PCDHA11: variants seen among roughly 807,000 people sequenced by gnomAD.
PCDHA11 encodes protocadherin alpha 11.
In PCDHA11, 61 loss-of-function variants were observed where a neutral mutation model predicts 70.3. The ratio of observed to expected loss-of-function variants is 0.87; its 90% CI spans 0.71 to 1.07. PCDHA11 has a LOEUF of 1.07. Among genes scored for constraint, PCDHA11 ranks in the 50% least tolerant of loss-of-function variants. PCDHA11 has a pLI of 0.00. For missense variants in PCDHA11, 1,324 were observed against 1,237.5 expected, an observed-to-expected ratio of 1.07 and a Z score of -1.05; for synonymous variants, 633 against 555.1, an observed-to-expected ratio of 1.14 and a Z score of -1.97.
intron 1 of PCDHA11, chr5:140,883,148 A>G (rs1554176918): frequency 5.0e-6 from 8 of 1,614,078 alleles, no homozygotes; most frequent in Non-Finnish European, 6.8e-6. Context: ...ATATGCATTT[A>G]CCATAAATCC....
At chr5:140,883,774 T>C (rs782252577) in intron 1 of PCDHA11, 10 of 1,612,152 alleles carry the variant, frequency 6.2e-6, no homozygotes, top group South Asian at 5.5e-5. Flanking sequence ...TGGGCGAGCG[T>C]GCGCTGTCGA....
Position 140,869,903 on chromosome 5 carries a change from C to A in PCDHA11, c.800C>A (p.Thr267Lys). Residue 267 changes from threonine to lysine, a missense_variant, in exon 1 of 4, where the codon ACA becomes AAA. Physicochemically the swap from Thr to Lys is moderately conservative, Grantham distance 78. Coordinates refer to ENST00000398640, the MANE Select transcript of PCDHA11 (RefSeq NM_018902.5). ...ACTCTTGTGCTCAAACTAAACGCCACAGACCGAGACGAAGGAGTCAATGGA... is the reference window on the plus strand; with the variant it reads ...ACTCTTGTGCTCAAACTAAACGCCAAAGACCGAGACGAAGGAGTCAATGGA... Reference protein sequence around the residue: ...KETLVLKLNATDRDEGVNGEV... With the variant: ...KETLVLKLNAKDRDEGVNGEV... 1.2e-6 allele frequency: 2 copies of A among 1,610,648 alleles called. No homozygotes were observed. The highest frequency in any genetic ancestry group is 1.7e-6 in the Non-Finnish European group (2 of 1,178,228).
chr5:140,870,581 T>C lies in PCDHA11; in HGVS notation c.1478T>C (p.Leu493Pro). Residue 493 changes from leucine (L) to proline (P), a missense_variant, in exon 1 of 4, where the codon CTG (leucine) becomes CCG (proline). Transcript: ENST00000398640. Reference protein sequence around the residue: ...AQENALVSYSLVERRLGDRAL... With the variant: ...AQENALVSYSPVERRLGDRAL... ...GAGAACGCGCTGGTGTCCTACTCGC[T>C]GGTGGAGCGGCGGTTGGGCGACCGC... The C allele has an allele frequency of 6.2e-7, 1 of 1,613,826 alleles. No individual in the cohort carries two copies. Among genetic ancestry groups the C allele is most frequent in the Non-Finnish European group, 8.5e-7 (1 of 1,179,932 alleles).
intron 1 of PCDHA11, among the ~76,000 whole-genome samples, chr5:140,879,219 A>G (rs2057906971): frequency 6.6e-6 from 1 of 152,252 alleles, no homozygotes; most frequent in South Asian, 2.1e-4. Context: ...AATGAATTGA[A>G]AAAGACATAT....
At chr5:140,972,306 GT>G (rs2096530781) in intron 1 of PCDHA11, among the ~76,000 whole-genome samples, 1 of 150,488 alleles carries the variant, frequency 6.6e-6, no homozygotes, top group South Asian at 2.1e-4. Flanking sequence ...TGTCTGACTA[GT>G]TTTTAGGTGT....
intron 1 of PCDHA11, chr5:140,967,766 T>C: frequency 6.2e-7 from 1 of 1,614,218 alleles, no homozygotes; most frequent in Non-Finnish European, 8.5e-7. Flanking sequence ...CTACCAGATC[T>C]ATGTGCAGGC....
At chr5:140,950,082 A>G (rs2094448240) in intron 1 of PCDHA11, among the ~76,000 whole-genome samples, 1 of 151,916 alleles carries the variant, frequency 6.6e-6, no homozygotes, top group South Asian at 2.1e-4. Flanking sequence ...TGCTTATGCT[A>G]TAGTTTTCAT....
intron 1 of PCDHA11, among the ~76,000 whole-genome samples, chr5:140,954,881 C>T (rs2095105725): frequency 6.6e-6 from 1 of 152,092 alleles, no homozygotes; most frequent in Non-Finnish European, 1.5e-5. Flanking sequence ...CCTAGCTTTT[C>T]TTCTAGGGTT....
At chr5:140,934,590 G>T (rs1305372783) in intron 1 of PCDHA11, among the ~76,000 whole-genome samples, 4 of 151,886 alleles carry the variant, frequency 2.6e-5, no homozygotes, top group Admixed American at 2.6e-4. Context: ...TCTGTAATGG[G>T]TCTTCAACTA....
chr5:140,879,078 A>G (rs1168166013), intron 1 of PCDHA11, among the ~76,000 whole-genome samples: 3 of 152,342 alleles, frequency 2.0e-5, no homozygotes, highest in African/African-American at 7.2e-5. Flanking sequence ...TAAGAGAGAT[A>G]AGTAGGAACA....
intron 1 of PCDHA11, among the ~76,000 whole-genome samples, chr5:140,917,501 A>G (rs557906425): frequency 6.6e-6 from 1 of 152,020 alleles, no homozygotes; most frequent in East Asian, 1.9e-4. Context: ...CCAGAATGAT[A>G]TTTTCTAGGT....
chr5:140,869,378 G>T lies in PCDHA11; in HGVS notation c.275G>T (p.Arg92Leu). The T allele has an allele frequency of 1.9e-6, 3 of 1,614,168 alleles. No homozygotes were observed. The highest frequency in any genetic ancestry group is 2.2e-5 in the East Asian group (1 of 44,878). The change falls in exon 1 of 4, where the codon CGC becomes CTC. Residue 92 changes from arginine to leucine, a missense_variant. Transcript: ENST00000398640. Reference sequence around the variant, plus strand: ...TTGTTTGTGAATTCTCGGATCGACCGCGAGGAGCTGTGCGGGCAGAGCGCG... The same window carrying T: ...TTGTTTGTGAATTCTCGGATCGACCTCGAGGAGCTGTGCGGGCAGAGCGCG... Reference protein sequence around the residue: ...GILFVNSRIDREELCGQSAEC... With the variant: ...GILFVNSRIDLEELCGQSAEC...
At position 140,882,067 on chromosome 5, in the gene PCDHA11, G is replaced by A. The variant is rs1031145324; in HGVS notation, c.2391+10573G>A. 7.1e-6 allele frequency: 6 copies of A among 848,700 alleles called. No individual in the cohort carries two copies. The East Asian group carries it at 8.0e-5, about 11-fold the overall frequency. 52.6% of individuals were successfully genotyped at this position (848,700 alleles called of 1,614,324 possible). A position where few individuals can be genotyped will look rare whatever the true frequency, so the allele number is the denominator to read the frequency against. ...GTCATACTTACACTTACACGTTCATGCGCATGGTGTCGCTCTTCACTGAGA... is the reference window on the plus strand; with the variant it reads ...GTCATACTTACACTTACACGTTCATACGCATGGTGTCGCTCTTCACTGAGA... On this transcript the variant is annotated intron_variant, in intron 1 of 3. Transcript: ENST00000398640.
chr5:140,928,108 G>A (rs782166106), intron 1 of PCDHA11: 5 of 1,614,072 alleles, frequency 3.1e-6, no homozygotes, highest in Admixed American at 3.3e-5. Context: ...CCTGGACCGG[G>A]AGCAGATCAG....
At chr5:140,903,687 T>C (rs1554191081) in intron 1 of PCDHA11, among the ~76,000 whole-genome samples, 1 of 152,228 alleles carries the variant, frequency 6.6e-6, no homozygotes, top group Non-Finnish European at 1.5e-5. Context: ...GTTTGGTAAA[T>C]AGTTTAAAAT....
chr5:140,972,218 C>A (rs367920234), intron 1 of PCDHA11, among the ~76,000 whole-genome samples: 129 of 152,040 alleles, frequency 8.5e-4, no homozygotes, highest in Middle Eastern at 3.4e-3. Flanking sequence ...TGGCTCACTG[C>A]AGCCTCGACC....
chr5:141,009,717 A>C lies in PCDHA11; in HGVS notation c.2630A>C (p.Gln877Pro). Residue 877 changes from glutamine to proline, a missense_variant, in exon 4 of 4, where the codon CAA becomes CCA. Coordinates refer to ENST00000398640, the MANE Select transcript of PCDHA11 (RefSeq NM_018902.5). ...AAATACGGACCAGGCAACCCCAAAC[A>C]ATCCGGTCCCGGTGAGTTGCCCGAC... ...TFKYGPGNPK[Q>P]SGPGELPDKF... is the part of the protein sequence containing the mutation. 4 of 1,614,058 alleles carry C rather than the reference A, an allele frequency of 2.5e-6. No homozygotes were observed. The highest frequency in any genetic ancestry group is 3.4e-6 in the Non-Finnish European group (4 of 1,180,004).
At chr5:140,907,995 C>T (rs1441720086) in intron 1 of PCDHA11, among the ~76,000 whole-genome samples, 9 of 152,166 alleles carry the variant, frequency 5.9e-5, no homozygotes, top group African/African-American at 1.9e-4. Flanking sequence ...AGTCCTTAAC[C>T]ATCCAGCCAA....
intron 1 of PCDHA11, chr5:140,968,410 T>G: frequency 6.2e-7 from 1 of 1,614,040 alleles, no homozygotes. Context: ...TCTTTGTGAC[T>G]GTGGAGGCTC....
Sources: gnomAD v4.1 joint callset for allele counts (sites outside exome capture counted in the v4.1 genomes callset) on GRCh38, gnomAD v4.1.1 for gene constraint, MANE v1.5 for transcripts, NCBI Gene and HGNC (gene_info 2026-07-23, HGNC 2026-07-21) for gene names.